SINHCAF: variants seen among roughly 807,000 people sequenced by gnomAD.
SINHCAF encodes the protein SIN3-HDAC complex-associated factor.
A neutral mutation model predicts 25.8 loss-of-function variants in SINHCAF; 3 were observed. The observed-to-expected ratio is 0.12, with a 90% CI of 0.05 to 0.30. The LOEUF is 0.30. SINHCAF is among the 10% of genes least tolerant of loss of function. The pLI, the probability that SINHCAF is intolerant of heterozygous loss-of-function variation, is 1.00. For missense variants in SINHCAF, 121 were observed against 262.3 expected (o/e 0.46, Z 3.72); for synonymous variants, 70 against 85.5 (o/e 0.82, Z 1.00).
chr12:31,305,149 C>T (rs553607531), intron 1 of SINHCAF: 2 of 152,166 alleles, frequency 1.3e-5, no homozygotes, highest in South Asian at 4.2e-4. Context: ...GATATGGATC[C>T]GTGAGTCTAC....
chr12:31,325,111 G>T lies in SINHCAF; in HGVS notation c.-21+913C>A, dbSNP rs1222526283. 2.2e-6 allele frequency: 1 copy of T among 456,620 alleles called. No homozygotes were observed. The highest frequency in any genetic ancestry group is 4.4e-6 in the Non-Finnish European group (1 of 226,962). 28.3% of individuals were successfully genotyped at this position (456,620 alleles called of 1,614,324 possible). A position where few individuals can be genotyped will look rare whatever the true frequency, so the allele number is the denominator to read the frequency against. ...TGACTCCCGCGGCGTACACAACGCCGCCGCCTCCATCTCCAGCCAAGTTGG... is the reference window on the plus strand; with the variant it reads ...TGACTCCCGCGGCGTACACAACGCCTCCGCCTCCATCTCCAGCCAAGTTGG... On this transcript the variant is annotated intron_variant, in intron 1 of 5. Coordinates refer to ENST00000337682, the MANE Select transcript of SINHCAF (RefSeq NM_001135812.2). This position sits in a 1 kb window ranked among gnomAD's most constrained non-coding sequence, Gnocchi z 5.9.
chr12:31,314,583 G>A (rs112636332), intron 1 of SINHCAF, among the ~76,000 whole-genome samples: 1 of 151,934 alleles, frequency 6.6e-6, no homozygotes, highest in Non-Finnish European at 1.5e-5. Context: ...GAGGCCCAAA[G>A]AGAGGTACTT....
At chr12:31,319,278 C>T (rs149366155) in intron 1 of SINHCAF, among the ~76,000 whole-genome samples, 2,107 of 152,294 alleles carry the variant, frequency 0.014, 42 homozygotes, top group African/African-American at 0.048. Flanking sequence ...CCTGTAATCC[C>T]AGCACTATGG....
chr12:31,294,450 T>C (rs1284118038), intron 3 of SINHCAF, among the ~76,000 whole-genome samples: 1 of 151,958 alleles, frequency 6.6e-6, no homozygotes, highest in African/African-American at 2.4e-5. Flanking sequence ...GGAATCAAGG[T>C]CTTCAGGCCT....
rs777087270 is a variant in SINHCAF at position 31,297,467 on chromosome 12, A to ATTTTTTTTTTT, written c.128+599_128+609dup. ...GAGCCACTGCACCCGGTCAAGCGTA[A>ATTTTTTTTTTT]TTTTTTTTTTTTTTTTTTTTTTTTG... is the stretch of plus-strand genomic sequence containing the variant. On this transcript the variant is annotated intron_variant, in intron 2 of 5. Coordinates refer to ENST00000337682, the MANE Select transcript of SINHCAF (RefSeq NM_001135812.2). 5.5e-4 allele frequency among the ~76,000 whole-genome samples: 57 copies of ATTTTTTTTTTT among 103,428 alleles called. 1 individual carries two copies. Among genetic ancestry groups the ATTTTTTTTTTT allele is most frequent in the African/African-American group, 2.1e-3 (57 of 26,686 alleles). 67.9% of individuals were successfully genotyped at this position (103,428 alleles called of 152,430 possible).
intron 4 of SINHCAF, among the ~76,000 whole-genome samples, chr12:31,293,028 A>G (rs1440308653): frequency 6.6e-6 from 1 of 152,216 alleles, no homozygotes; most frequent in East Asian, 1.9e-4. Flanking sequence ...GACCTAAACT[A>G]TGACTATAAG....
intron 5 of SINHCAF, among the ~76,000 whole-genome samples, chr12:31,283,540 T>C (rs1053371106): frequency 2.0e-5 from 3 of 151,692 alleles, no homozygotes; most frequent in Non-Finnish European, 4.4e-5. Context: ...GAAGTGGAGG[T>C]TGCAGTGAGC....
chr12:31,315,370 A>G (rs1324117145), intron 1 of SINHCAF, among the ~76,000 whole-genome samples: 1 of 152,216 alleles, frequency 6.6e-6, no homozygotes, highest in African/African-American at 2.4e-5. Flanking sequence ...ATCTGTCAGT[A>G]AAATATTTAA....
intron 4 of SINHCAF, among the ~76,000 whole-genome samples, chr12:31,293,536 A>G (rs115798038): frequency 1.4e-3 from 215 of 152,300 alleles, no homozygotes; most frequent in African/African-American, 4.9e-3. Flanking sequence ...CACCTTCTAG[A>G]AAATTAAGAT....
At chr12:31,303,024 AAT>A (rs1407716061) in intron 1 of SINHCAF, 2 of 985,136 alleles carry the variant, frequency 2.0e-6, no homozygotes, top group South Asian at 4.7e-5. Flanking sequence ...GTCTATCTAC[AAT>A]ATGTTTTCTT....
chr12:31,306,523 T>C (rs1330378729), intron 1 of SINHCAF, among the ~76,000 whole-genome samples: 1 of 152,162 alleles, frequency 6.6e-6, no homozygotes, highest in Non-Finnish European at 1.5e-5. Flanking sequence ...TGTTTCCAGG[T>C]AGATCTTTCT....
At chr12:31,312,728 A>C (rs1217880327) in intron 1 of SINHCAF, among the ~76,000 whole-genome samples, 3 of 152,212 alleles carry the variant, frequency 2.0e-5, no homozygotes, top group Non-Finnish European at 2.9e-5. Context: ...TTACTCATTT[A>C]ACTGAGTCTT....
chr12:31,319,282 A>G (rs1299554454), intron 1 of SINHCAF, among the ~76,000 whole-genome samples: 1 of 152,180 alleles, frequency 6.6e-6, no homozygotes, highest in African/African-American at 2.4e-5. Context: ...TAATCCCAGC[A>G]CTATGGGAGG....
At chr12:31,322,307 T>C (rs1939726308) in intron 1 of SINHCAF, among the ~76,000 whole-genome samples, 1 of 152,226 alleles carries the variant, frequency 6.6e-6, no homozygotes, top group Admixed American at 6.5e-5. Context: ...ATTCTAGCCA[T>C]AACTTAGCTA....
intron 1 of SINHCAF, among the ~76,000 whole-genome samples, chr12:31,310,547 T>C (rs1280685470): frequency 6.6e-6 from 1 of 152,122 alleles, no homozygotes; most frequent in East Asian, 1.9e-4. Flanking sequence ...CCTGGGAGTT[T>C]TAAGAGGTTA....
intron 1 of SINHCAF, among the ~76,000 whole-genome samples, chr12:31,299,454 C>G (rs1938694451): frequency 6.6e-6 from 1 of 151,906 alleles, no homozygotes; most frequent in African/African-American, 2.4e-5. Flanking sequence ...GTAGCTGGGA[C>G]TACAGGTGCC....
At chr12:31,322,358 G>A (rs1206943112) in intron 1 of SINHCAF, among the ~76,000 whole-genome samples, 3 of 152,180 alleles carry the variant, frequency 2.0e-5, no homozygotes, top group South Asian at 2.1e-4. Flanking sequence ...CAATCTCAGC[G>A]TATTTGCAAA....
At chr12:31,322,003 A>T (rs1003456418) in intron 1 of SINHCAF, among the ~76,000 whole-genome samples, 7 of 152,140 alleles carry the variant, frequency 4.6e-5, no homozygotes, top group African/African-American at 1.4e-4. Context: ...AAAAAAAAAA[A>T]AATTGACCAT....
intron 4 of SINHCAF, among the ~76,000 whole-genome samples, chr12:31,288,925 T>C (rs1334396079): frequency 6.6e-6 from 1 of 152,070 alleles, no homozygotes; most frequent in Admixed American, 6.6e-5. Context: ...AATGAAAACA[T>C]AGGCTTGGCA....
Sources: gnomAD v4.1 joint callset for allele counts (sites outside exome capture counted in the v4.1 genomes callset) on GRCh38, gnomAD v4.1.1 for gene constraint, Gnocchi (gnomAD v3.1) non-coding constraint, MANE v1.5 for transcripts, NCBI Gene and HGNC (gene_info 2026-07-23, HGNC 2026-07-21) for gene names.